Variants in DEAF1 observed in about 807,000 individuals in gnomAD.
DEAF1 encodes the protein deformed epidermal autoregulatory factor 1 homolog.
Under a neutral mutation model 58.9 loss-of-function variants are expected in DEAF1, and 53 were observed. The observed-to-expected ratio is 0.90, with a 90% CI of 0.72 to 1.13. DEAF1 has a LOEUF of 1.13. Among genes scored for constraint, DEAF1 ranks in the 50% most tolerant of loss-of-function variants. The probability of loss-of-function intolerance (pLI) is 0.00; values close to 1 mark genes in which losing one functional copy is unlikely to be tolerated. For synonymous variants in DEAF1, 385 were observed against 340.4 expected (o/e 1.13, Z -1.44); for missense variants, 685 against 791.4 (o/e 0.87, Z 1.61).
At position 644,421 on chromosome 11, in the gene DEAF1, C is replaced by T. The variant is rs1396824076; in HGVS notation, c.*129G>A. On this transcript the variant is annotated 3_prime_UTR_variant, in exon 12 of 12. Transcript: ENST00000382409. This position sits in a 1 kb window ranked among gnomAD's most constrained non-coding sequence, Gnocchi z 4.3. Reference sequence around the variant, plus strand: ...GCTTAAAGTGTGTTAATGACTTGTCCAGCAAGTTTCTTTACCTTCCCACAC... The same window carrying T: ...GCTTAAAGTGTGTTAATGACTTGTCTAGCAAGTTTCTTTACCTTCCCACAC... The T allele has an allele frequency of 5.4e-6, 4 of 747,220 alleles. No individual in the cohort carries two copies. Among genetic ancestry groups the T allele is most frequent in the Admixed American group, 2.0e-5 (1 of 49,446 alleles). The allele number at this position is 747,220 out of a possible 1,614,324, so 46.3% of individuals were successfully genotyped here. A position where few individuals can be genotyped will look rare whatever the true frequency, so the allele number is the denominator to read the frequency against.
At position 704,409 on chromosome 11, in the gene DEAF1, G is replaced by C. The variant is rs746127618; in HGVS notation, c.-438+2163C>G. On this transcript the variant is annotated intron_variant, in intron 1 of 11. Coordinates refer to the DEAF1 transcript ENST00000683307. The stretch of plus-strand genomic sequence containing the variant: ...CGGTGGGAGCACCCAGTTGTCCTGG[G>C]CCGACTTCCTTTGACCTGTCTGTGG... 11 of 1,270,952 alleles carry C rather than the reference G, an allele frequency of 8.7e-6. No homozygotes were observed. The South Asian group carries it at 1.4e-4, about 16-fold the overall frequency. The allele number at this position is 1,270,952 out of a possible 1,614,324, so 78.7% of individuals were successfully genotyped here.
intron 8 of DEAF1, among the ~76,000 whole-genome samples, chr11:679,314 CAAA>C (rs35318035): frequency 1.4e-5 from 2 of 142,858 alleles, no homozygotes; most frequent in Non-Finnish European, 3.0e-5. Context: ...GACTCCACCT[CAAA>C]AAAAAAAAAA....
upstream of DEAF1, chr11:698,821 G>C: frequency 6.2e-7 from 1 of 1,612,848 alleles, no homozygotes; most frequent in Non-Finnish European, 8.5e-7. Context: ...ACCCGGGAAA[G>C]CATCCTGGTG....
chr11:683,032 C>G (rs796498899), intron 6 of DEAF1, among the ~76,000 whole-genome samples: 2 of 152,266 alleles, frequency 1.3e-5, no homozygotes, highest in African/African-American at 4.8e-5. Context: ...CGTCACAATC[C>G]TCACTGCCCT....
chr11:656,633 G>GGT (rs1859068245), intron 10 of DEAF1, among the ~76,000 whole-genome samples: 1 of 152,238 alleles, frequency 6.6e-6, no homozygotes, highest in Non-Finnish European at 1.5e-5. Context: ...GCGGGAGCGT[G>GGT]GTCACTGTCC....
chr11:681,145 C>G, intron 6 of DEAF1, 56 bp from the exon 7 acceptor site: 1 of 1,611,724 alleles, frequency 6.2e-7, no homozygotes, highest in Non-Finnish European at 8.5e-7. Context: ...CTATGCTGCG[C>G]TTGCAACTCC....
At chr11:647,156 T>C (rs1858535768) in intron 11 of DEAF1, among the ~76,000 whole-genome samples, 1 of 152,088 alleles carries the variant, frequency 6.6e-6, no homozygotes, top group South Asian at 2.1e-4. Context: ...AGACCCTGTC[T>C]ATAGAAAACC....
At position 695,156 on chromosome 11, in the gene DEAF1, C is replaced by T; in HGVS notation, c.-109G>A. 2.0e-6 allele frequency: 2 copies of T among 1,023,082 alleles called. No homozygotes were observed. Among genetic ancestry groups the T allele is most frequent in the Non-Finnish European group, 2.6e-6 (2 of 774,870 alleles). The allele number at this position is 1,023,082 out of a possible 1,614,324, so 63.4% of individuals were successfully genotyped here. On this transcript the variant is annotated 5_prime_UTR_variant, in exon 1 of 12. Coordinates refer to ENST00000382409, the MANE Select transcript of DEAF1 (RefSeq NM_021008.4). ...GGACGCCCGAGCTGGGCCGAGGCCG[C>T]CCGAAGCCGCCGCCCGAATAGGGAC...
At chr11:653,755 C>T (rs2133288997) in intron 11 of DEAF1, among the ~76,000 whole-genome samples, 1 of 152,300 alleles carries the variant, frequency 6.6e-6, no homozygotes, top group Admixed American at 6.5e-5. Context: ...TGTGGGGCCT[C>T]ACATGAGAGC....
chr11:666,898 G>GAAAAAAAAA (rs1052860551), intron 10 of DEAF1, among the ~76,000 whole-genome samples: 1 of 123,676 alleles, frequency 8.1e-6, no homozygotes, highest in Non-Finnish European at 1.7e-5. Flanking sequence ...AAAAAAAAAA[G>GAAAAAAAAA]AAAAAAAGAA....
chr11:701,075 C>T (rs2133467070), intron 1 of DEAF1: 1 of 289,278 alleles, frequency 3.5e-6, no homozygotes, highest in East Asian at 7.8e-5. Context: ...AGGAGAGAGC[C>T]CTGGAGAGTT....
intron 10 of DEAF1, among the ~76,000 whole-genome samples, chr11:657,952 G>A (rs1242314243): frequency 4.6e-5 from 7 of 152,158 alleles, no homozygotes; most frequent in Non-Finnish European, 7.4e-5. Flanking sequence ...CATTGATAGT[G>A]AAATTCAAAG....
chr11:684,873 T>C (rs1160812636), intron 6 of DEAF1, 25 bp downstream of exon 6: 2 of 1,550,784 alleles, frequency 1.3e-6, no homozygotes, highest in Non-Finnish European at 1.7e-6. Flanking sequence ...CAAGTCATCC[T>C]GTTCCAGACA....
intron 1 of DEAF1, among the ~76,000 whole-genome samples, chr11:702,085 A>G (rs1409841217): frequency 6.6e-6 from 1 of 151,934 alleles, no homozygotes; most frequent in Non-Finnish European, 1.5e-5. Context: ...ATACAGATAC[A>G]CCCCTGATGC....
chr11:677,567 G>A (rs1269778821), intron 9 of DEAF1, among the ~76,000 whole-genome samples: 2 of 107,566 alleles, frequency 1.9e-5, no homozygotes, highest in African/African-American at 5.7e-5. Flanking sequence ...AGTTTCTTGC[G>A]CTGTCTGTGA....
chr11:654,690 G>A (rs1055068956), intron 10 of DEAF1: 6 of 451,426 alleles, frequency 1.3e-5, no homozygotes, highest in Admixed American at 4.7e-5. Flanking sequence ...GCAACGTTGC[G>A]AAACCCAGTC....
chr11:682,721 T>C (rs1860431196), intron 6 of DEAF1, among the ~76,000 whole-genome samples: 1 of 152,148 alleles, frequency 6.6e-6, no homozygotes, highest in South Asian at 2.1e-4. Context: ...ATGGGCAATG[T>C]GGGTTGATGG....
intron 6 of DEAF1, among the ~76,000 whole-genome samples, chr11:684,604 T>A (rs1419076517): frequency 2.0e-5 from 3 of 152,160 alleles, no homozygotes; most frequent in Non-Finnish European, 4.4e-5. Flanking sequence ...CGTGTATGTT[T>A]AGTTTTAGAG....
chr11:687,643 G>A (rs1860652211), intron 4 of DEAF1, among the ~76,000 whole-genome samples: 1 of 152,124 alleles, frequency 6.6e-6, no homozygotes, highest in Non-Finnish European at 1.5e-5. Flanking sequence ...GACTACAGGC[G>A]CCTGCCACCA....
Sources: gnomAD v4.1 joint callset for allele counts (sites outside exome capture counted in the v4.1 genomes callset) on GRCh38, gnomAD v4.1.1 for gene constraint, Gnocchi (gnomAD v3.1) non-coding constraint, MANE v1.5 for transcripts, NCBI Gene and HGNC (gene_info 2026-07-23, HGNC 2026-07-21) for gene names.